CCAR1: variants seen among roughly 807,000 people sequenced by gnomAD.
CCAR1 encodes the protein cell division cycle and apoptosis regulator protein 1.
CCAR1 carries 78 observed loss-of-function variants against 163.8 expected under a neutral mutation model. The observed-to-expected ratio is 0.48, with a 90% CI of 0.40 to 0.57. The LOEUF (loss-of-function observed/expected upper bound fraction) is 0.57, where lower values mean the gene tolerates loss of function less well. CCAR1 is among the 20% of genes least tolerant of loss of function. CCAR1 has a pLI of 0.00. For synonymous variants in CCAR1, 443 were observed against 460.7 expected (o/e 0.96, Z 0.49); for missense variants, 1,019 against 1,365.2 (o/e 0.75, Z 4.00).
At chr10:68,750,775 T>C (rs978797777) in intron 10 of CCAR1, among the ~76,000 whole-genome samples, 2 of 152,134 alleles carry the variant, frequency 1.3e-5, no homozygotes, top group African/African-American at 4.8e-5. Context: ...TAAAAGCAAA[T>C]AGCTATATGC....
rs751350714 is a variant in CCAR1 at position 68,722,459 on chromosome 10, A to G, written c.-46A>G. On this transcript the variant is annotated 5_prime_UTR_variant, in exon 2 of 25. It removes an upstream start codon present in the reference 5' UTR. Coordinates refer to ENST00000265872, the MANE Select transcript of CCAR1 (RefSeq NM_018237.4). ...TGTGGATCCTTTTCTTGATAGATCG[A>G]TGCTATAGAAGACAAACAAGGGAAG... The G allele has an allele frequency of 2.1e-6, 3 of 1,433,694 alleles. No individual in the cohort carries two copies. The highest frequency in any genetic ancestry group is 2.0e-6 in the Non-Finnish European group (2 of 1,015,400). 88.8% of individuals were successfully genotyped at this position (1,433,694 alleles called of 1,614,324 possible).
chr10:68,790,245 T>TA (rs1334390276), intron 24 of CCAR1, among the ~76,000 whole-genome samples: 4 of 151,776 alleles, frequency 2.6e-5, no homozygotes, highest in Non-Finnish European at 5.9e-5. Flanking sequence ...TAATCCTAGC[T>TA]ACCCGGAAGG....
chr10:68,768,078 T>C (rs1320834196), intron 17 of CCAR1, among the ~76,000 whole-genome samples: 1 of 152,188 alleles, frequency 6.6e-6, no homozygotes, highest in East Asian at 1.9e-4. Flanking sequence ...ATCATGCTTC[T>C]TTGAACCAGA....
chr10:68,760,994 T>C lies in CCAR1; in HGVS notation c.1921-13T>C, dbSNP rs1159340199. Reference sequence around the variant, plus strand: ...CTTTTTTTTTTCCGTGTTTTTCTGCTCCATATATTCAGGTAAATGACCTCC... The same window carrying C: ...CTTTTTTTTTTCCGTGTTTTTCTGCCCCATATATTCAGGTAAATGACCTCC... On this transcript the variant is annotated splice_polypyrimidine_tract_variant and intron_variant, in intron 15 of 24. Transcript: ENST00000265872. 3.4e-5 allele frequency: 39 copies of C among 1,156,190 alleles called. No homozygotes were observed. Among genetic ancestry groups the C allele is most frequent in the Non-Finnish European group, 3.9e-5 (35 of 903,392 alleles). The allele number at this position is 1,156,190 out of a possible 1,614,324, so 71.6% of individuals were successfully genotyped here. A position where few individuals can be genotyped will look rare whatever the true frequency, so the allele number is the denominator to read the frequency against.
intron 19 of CCAR1, 21 bp from the exon 20 acceptor site, chr10:68,786,115 A>G (rs1469182574): frequency 1.3e-6 from 2 of 1,554,374 alleles, no homozygotes; most frequent in Non-Finnish European, 1.8e-6. Flanking sequence ...CTTTTTTGCC[A>G]CTGTTATATT....
Position 68,786,686 on chromosome 10 carries a change from G to A in CCAR1, c.2874G>A (p.Arg958=), listed in dbSNP as rs747568071. Residue 958 remains arginine (R), a synonymous_variant, in exon 21 of 25, where the codon CGG becomes CGA. Transcript: ENST00000265872. ...ATACTCTTGGACTACATCTTTCTCG[G>A]GCTCAGGTAATCTATCTTGTGAATA... ...ILYTLGLHLS[R]AQVKKLLNKV... The A allele has an allele frequency of 6.3e-7, 1 of 1,588,522 alleles. No homozygotes were observed. The highest frequency in any genetic ancestry group is 1.2e-5 in the South Asian group (1 of 85,620).
chr10:68,771,525 A>G, intron 18 of CCAR1, 80 bp downstream of exon 18: 8 of 1,295,916 alleles, frequency 6.2e-6, no homozygotes, highest in South Asian at 2.8e-5. Context: ...CCATCAGAAT[A>G]TTAGATGTAA....
intron 4 of CCAR1, among the ~76,000 whole-genome samples, chr10:68,738,283 G>T (rs192136308): frequency 1.3e-5 from 2 of 152,124 alleles, no homozygotes; most frequent in South Asian, 4.1e-4. Flanking sequence ...GTGTGGTGGC[G>T]CAGGCCTGTA....
chr10:68,779,275 T>TG (rs1427117332), intron 19 of CCAR1, among the ~76,000 whole-genome samples: 2 of 135,394 alleles, frequency 1.5e-5, no homozygotes, highest in Non-Finnish European at 3.2e-5. Flanking sequence ...TTTTTTTTTT[T>TG]GAGACAGAGT....
intron 2 of CCAR1, among the ~76,000 whole-genome samples, chr10:68,727,231 C>T (rs139515843): frequency 0.022 from 3,387 of 151,496 alleles, 63 homozygotes; most frequent in Non-Finnish European, 0.038. Flanking sequence ...CCACCACTCC[C>T]GGCTAATTTT....
intron 19 of CCAR1, among the ~76,000 whole-genome samples, chr10:68,774,685 A>G (rs1441812059): frequency 6.6e-6 from 1 of 151,712 alleles, no homozygotes; most frequent in African/African-American, 2.4e-5. Context: ...ATCATAATGC[A>G]AAAGAGTACA....
intron 2 of CCAR1, among the ~76,000 whole-genome samples, chr10:68,735,257 A>C (rs1564530129): frequency 6.6e-6 from 1 of 151,840 alleles, no homozygotes; most frequent in Non-Finnish European, 1.5e-5. Flanking sequence ...CTGAGGTGGG[A>C]GGATCACTTG....
At chr10:68,781,399 C>T (rs138424559) in intron 19 of CCAR1, among the ~76,000 whole-genome samples, 17 of 151,942 alleles carry the variant, frequency 1.1e-4, no homozygotes, top group Non-Finnish European at 1.5e-4. Flanking sequence ...AAAAATTAGC[C>T]GGGCGTGGTG....
intron 19 of CCAR1, among the ~76,000 whole-genome samples, chr10:68,774,584 T>C (rs2056640855): frequency 6.6e-6 from 1 of 151,732 alleles, no homozygotes; most frequent in African/African-American, 2.4e-5. Flanking sequence ...CGAGCCCAGA[T>C]TGTGCCATTG....
chr10:68,740,974 C>T (rs1320272982), intron 5 of CCAR1, among the ~76,000 whole-genome samples: 20 of 151,520 alleles, frequency 1.3e-4, no homozygotes, highest in East Asian at 3.9e-4. Flanking sequence ...AGTGCAATGG[C>T]GCAGTCTCGG....
intron 2 of CCAR1, among the ~76,000 whole-genome samples, chr10:68,728,861 A>G (rs2133303737): frequency 6.6e-6 from 1 of 152,022 alleles, no homozygotes; most frequent in South Asian, 2.1e-4. Flanking sequence ...AGGCTGAGGC[A>G]GGAGAATCAC....
intron 19 of CCAR1, among the ~76,000 whole-genome samples, chr10:68,779,360 C>T (rs1479911158): frequency 8.6e-5 from 13 of 151,624 alleles, no homozygotes; most frequent in Non-Finnish European, 5.9e-5. Context: ...CAGGTTCAAG[C>T]GATTCTCGTG....
In CCAR1 at chr10:68,756,507, C is replaced by T; in HGVS notation, c.1836+24C>T. The T allele has an allele frequency of 6.4e-7, 1 of 1,555,174 alleles. No individual in the cohort carries two copies. Among genetic ancestry groups the T allele is most frequent in the Non-Finnish European group, 8.7e-7 (1 of 1,143,146 alleles). On this transcript the variant is annotated intron_variant, in intron 14 of 24. Coordinates refer to ENST00000265872, the MANE Select transcript of CCAR1 (RefSeq NM_018237.4). The surrounding 1 kb of genome is among the most constrained non-coding windows in gnomAD (Gnocchi z 5.1). ...AGGCACTGAACGCTAATCCCTTTTTCTATTTCCGCTTCTCACAGGCACAGG... is the reference window on the plus strand; with the variant it reads ...AGGCACTGAACGCTAATCCCTTTTTTTATTTCCGCTTCTCACAGGCACAGG...
Position 68,740,637 on chromosome 10 carries a change from AC to A in CCAR1, c.304del (p.Gln102SerfsTer5). 1 of 1,611,108 alleles carries A rather than the reference AC, an allele frequency of 6.2e-7. No individual in the cohort carries two copies. The highest frequency in any genetic ancestry group is 8.5e-7 in the Non-Finnish European group (1 of 1,178,524). ...LYSVQQQLQQ[P>X]QQTLLTQPAV... Reference sequence around the variant, plus strand: ...TATTTTTCTGTTTTCAGTTACAGCAACCCCAGCAAACCCTCTTAACACAGGT... The same window carrying A: ...TATTTTTCTGTTTTCAGTTACAGCAACCCAGCAAACCCTCTTAACACAGGT... On this transcript the variant is annotated frameshift_variant, in exon 5 of 25. Coordinates refer to ENST00000265872, the MANE Select transcript of CCAR1 (RefSeq NM_018237.4). LOFTEE classifies it high-confidence loss of function.
Sources: allele counts gnomAD v4.1 joint callset (sites outside exome capture counted in the v4.1 genomes callset), GRCh38; gene constraint gnomAD v4.1.1; non-coding constraint Gnocchi (gnomAD v3.1); transcripts MANE v1.5; gene names NCBI Gene and HGNC (gene_info 2026-07-23, HGNC 2026-07-21).